Variants in MRTFB observed in about 807,000 individuals in gnomAD.
MRTFB encodes the protein myocardin-related transcription factor B.
MRTFB carries 29 observed loss-of-function variants against 104.2 expected under a neutral mutation model. The ratio of observed to expected loss-of-function variants is 0.28; its 90% CI spans 0.21 to 0.38. MRTFB has a LOEUF of 0.38. Ranked by LOEUF, MRTFB falls within the 10% of genes least tolerant of loss-of-function variation. MRTFB has a pLI of 1.00. For synonymous variants in MRTFB, 535 were observed against 519.5 expected, an observed-to-expected ratio of 1.03 and a Z score of -0.41; for missense variants, 1,270 against 1,341.6, an observed-to-expected ratio of 0.95 and a Z score of 0.83.
At chr16:14,227,824 A>G (rs1211101890) in intron 8 of MRTFB, among the ~76,000 whole-genome samples, 1 of 152,054 alleles carries the variant, frequency 6.6e-6, no homozygotes, top group Admixed American at 6.6e-5. Flanking sequence ...ATTTTTTAAA[A>G]GCAGTCCAAA....
rs1163137001 is a variant in MRTFB, at chr16:14,177,773, T to C, written c.155-32470T>C. On this transcript the variant is annotated intron_variant, in intron 3 of 16. Transcript: ENST00000571589. This position sits in a 1 kb window ranked among gnomAD's most constrained non-coding sequence, Gnocchi z 4.7. ...AGGAGGTCGAGGCTGCAGCGAGTAA[T>C]AATTGCACCACTGTACTCCAGCCTG... is the stretch of plus-strand genomic sequence containing the variant. Among the ~76,000 whole-genome samples, 1 of 151,924 alleles carries C rather than the reference T, an allele frequency of 6.6e-6. No homozygotes were observed. The highest frequency in any genetic ancestry group is 1.5e-5 in the Non-Finnish European group (1 of 67,984).
At position 14,163,928 on chromosome 16, in the gene MRTFB, C is replaced by T. The variant is rs533334999; in HGVS notation, c.154+23168C>T. Among the ~76,000 whole-genome samples the T allele has an allele frequency of 3.2e-4, 48 of 151,668 alleles. 1 individual carries two copies. The highest frequency in any genetic ancestry group is 1.0e-3 in the African/African-American group (43 of 41,376). On this transcript the variant is annotated intron_variant, in intron 3 of 16. Transcript: ENST00000571589. ...AATGGAAAGAATACCTTTTTTGATA[C>T]ATAATACTTGTACATATTTATGGGA...
At chr16:14,212,909 C>T (rs561773281) in intron 5 of MRTFB, among the ~76,000 whole-genome samples, 77 of 152,212 alleles carry the variant, frequency 5.1e-4, no homozygotes, top group African/African-American at 1.7e-3. Flanking sequence ...CATACTTGCA[C>T]GTGATAATTG....
the MRTFB span, among the ~76,000 whole-genome samples, chr16:14,065,032 T>G: frequency 6.6e-6 from 1 of 152,254 alleles, no homozygotes; most frequent in Non-Finnish European, 1.5e-5. Context: ...GCATTGATTC[T>G]GTAGGTTGCT....
intron 3 of MRTFB, among the ~76,000 whole-genome samples, chr16:14,146,289 A>G (rs958193674): frequency 2.0e-5 from 3 of 152,194 alleles, no homozygotes; most frequent in African/African-American, 7.2e-5. Context: ...AACTCTGTTC[A>G]CTATGAAGTA....
chr16:14,097,377 G>C (rs892282928), intron 2 of MRTFB, among the ~76,000 whole-genome samples: 16 of 152,166 alleles, frequency 1.1e-4, no homozygotes, highest in African/African-American at 3.9e-4. Flanking sequence ...AGGAAGACCG[G>C]TTTGTTCACT....
At chr16:14,246,125 T>C (rs899263070) in intron 11 of MRTFB, among the ~76,000 whole-genome samples, 5 of 152,190 alleles carry the variant, frequency 3.3e-5, no homozygotes, top group African/African-American at 9.7e-5. Context: ...CATGGGGTCG[T>C]GTGAAGATGA....
At chr16:14,066,519 C>T (rs1022491724), upstream of MRTFB, among the ~76,000 whole-genome samples, 4 of 152,082 alleles carry the variant, frequency 2.6e-5, no homozygotes, top group African/African-American at 9.7e-5. Context: ...GTGATCTGCC[C>T]ACCTCGGCCT....
chr16:14,008,873 C>A, the MRTFB span, among the ~76,000 whole-genome samples: 1 of 150,240 alleles, frequency 6.7e-6, no homozygotes, highest in Non-Finnish European at 1.5e-5. Flanking sequence ...TATAGTTTTG[C>A]AATGTAAAAA....
At chr16:14,074,255 GA>G (rs1336398578) in intron 1 of MRTFB, among the ~76,000 whole-genome samples, 3 of 152,136 alleles carry the variant, frequency 2.0e-5, no homozygotes, top group African/African-American at 7.2e-5. Context: ...TCCAAATTGA[GA>G]GTAATGAATT....
chr16:14,261,570 G>C lies in MRTFB; in HGVS notation c.*126G>C. The C allele has an allele frequency of 9.9e-7, 1 of 1,011,440 alleles. No individual in the cohort carries two copies. Among genetic ancestry groups the C allele is most frequent in the Non-Finnish European group, 1.4e-6 (1 of 706,594 alleles). The allele number at this position is 1,011,440 out of a possible 1,614,324, so 62.7% of individuals were successfully genotyped here. On this transcript the variant is annotated 3_prime_UTR_variant, in exon 17 of 17. Coordinates refer to ENST00000571589, the MANE Select transcript of MRTFB (RefSeq NM_001308142.2). ...AAAATATGTTGTCACAGAAAGAATAGGTGGAAGGTCATAGCCTGGAACCCA... is the reference window on the plus strand; with the variant it reads ...AAAATATGTTGTCACAGAAAGAATACGTGGAAGGTCATAGCCTGGAACCCA...
intron 3 of MRTFB, chr16:14,187,118 T>C: frequency 2.7e-6 from 3 of 1,121,432 alleles, no homozygotes; most frequent in Non-Finnish European, 3.8e-6. Context: ...GTTACCATGC[T>C]ATGTGTCTGC....
the MRTFB span, among the ~76,000 whole-genome samples, chr16:14,005,892 A>G: frequency 5.9e-5 from 9 of 152,212 alleles, no homozygotes; most frequent in Admixed American, 2.0e-4. Flanking sequence ...GGATAATATC[A>G]TGTTCCACTG....
At chr16:14,188,472 A>C (rs1399775888) in intron 3 of MRTFB, among the ~76,000 whole-genome samples, 3 of 152,224 alleles carry the variant, frequency 2.0e-5, no homozygotes, top group Admixed American at 6.5e-5. Flanking sequence ...CATAGAAAGC[A>C]AGGATTAAAA....
In MRTFB at chr16:14,246,560, C is replaced by T. The variant is rs1168477127; in HGVS notation, c.1300C>T (p.Gln434Ter). ...PDLIERLKPY[Q>*]EVNSSGLAAG... Reference sequence around the variant, plus strand: ...CCTCATTGAGCGCCTAAAACCCTACCAGGAAGTGAACAGCAGCGGCCTTGC... The same window carrying T: ...CCTCATTGAGCGCCTAAAACCCTACTAGGAAGTGAACAGCAGCGGCCTTGC... The change falls in exon 12 of 17, where the codon CAG becomes TAG. Residue 434 changes from glutamine (Q) to a stop codon, truncating the protein, a stop_gained. Coordinates refer to ENST00000571589, the MANE Select transcript of MRTFB (RefSeq NM_001308142.2). LOFTEE classifies it high-confidence loss of function. The T allele has an allele frequency of 1.2e-6, 2 of 1,614,044 alleles. No homozygotes were observed. The highest frequency in any genetic ancestry group is 1.7e-6 in the Non-Finnish European group (2 of 1,180,032).
At chr16:14,214,250 C>T (rs1367660668) in intron 6 of MRTFB, among the ~76,000 whole-genome samples, 1 of 152,156 alleles carries the variant, frequency 6.6e-6, no homozygotes, top group Admixed American at 6.5e-5. Flanking sequence ...ACCATCAACT[C>T]CCAAGTTACA....
chr16:14,180,077 C>G (rs950023695), intron 3 of MRTFB, among the ~76,000 whole-genome samples: 5 of 152,146 alleles, frequency 3.3e-5, no homozygotes, highest in African/African-American at 1.2e-4. Flanking sequence ...CAGATAATTA[C>G]AGAAGCACCG....
chr16:14,217,180 G>A lies in MRTFB; in HGVS notation c.407G>A (p.Arg136Gln), dbSNP rs1597276371. Reference sequence around the variant, plus strand: ...ACTCAGATGAAGTTGAAAAGAGCTCGACTAGCAGATGATCTGAATGAAAAG... The same window carrying A: ...ACTCAGATGAAGTTGAAAAGAGCTCAACTAGCAGATGATCTGAATGAAAAG... ...QATQMKLKRA[R>Q]LADDLNEKIA... The change falls in exon 7 of 17, where the codon CGA becomes CAA. Residue 136 changes from arginine to glutamine, a missense_variant. Coordinates refer to ENST00000571589, the MANE Select transcript of MRTFB (RefSeq NM_001308142.2). 6.2e-7 allele frequency: 1 copy of A among 1,613,798 alleles called. No individual in the cohort carries two copies. The highest frequency in any genetic ancestry group is 8.5e-7 in the Non-Finnish European group (1 of 1,179,856).
At chr16:14,252,181 G>C (rs1567221790) in intron 14 of MRTFB, among the ~76,000 whole-genome samples, 158 bp downstream of exon 14, 1 of 152,152 alleles carries the variant, frequency 6.6e-6, no homozygotes. Context: ...TATTATCACA[G>C]TGAAGATGAT....
Sources: allele counts gnomAD v4.1 joint callset (sites outside exome capture counted in the v4.1 genomes callset), GRCh38; gene constraint gnomAD v4.1.1; non-coding constraint Gnocchi (gnomAD v3.1); transcripts MANE v1.5; gene names NCBI Gene and HGNC (gene_info 2026-07-23, HGNC 2026-07-21).